The following MYBPC1 variants were observed in gnomAD, a reference collection of about 807,000 sequenced individuals.
The protein encoded by MYBPC1 is myosin-binding protein C, slow-type.
In MYBPC1, 52 loss-of-function variants were observed where a neutral mutation model predicts 147.1. That is an observed-to-expected ratio of 0.35 (90% CI 0.28 to 0.45). MYBPC1 has a LOEUF of 0.45. Ranked by LOEUF, MYBPC1 falls within the 20% of genes least tolerant of loss-of-function variation. MYBPC1 has a pLI of 1.00. For synonymous variants in MYBPC1, 477 were observed against 475.9 expected, an observed-to-expected ratio of 1.00 and a Z score of -0.03; for missense variants, 1,228 against 1,440.3, an observed-to-expected ratio of 0.85 and a Z score of 2.39.
chr12:101,644,842 A>G, intron 12 of MYBPC1, 46 bp downstream of exon 12: 2 of 1,571,366 alleles, frequency 1.3e-6, no homozygotes, highest in East Asian at 2.3e-5. Context: ...CAGTAAATTA[A>G]TCAAATAGTA....
chr12:101,601,312 A>G (rs1389352246), intron 1 of MYBPC1, among the ~76,000 whole-genome samples: 3 of 152,162 alleles, frequency 2.0e-5, no homozygotes, highest in Non-Finnish European at 2.9e-5. Context: ...CTCTGTGTGG[A>G]TAGGCTCAGT....
chr12:101,642,394 C>G, intron 10 of MYBPC1, 25 bp from the exon 11 acceptor site: 1 of 1,613,500 alleles, frequency 6.2e-7, no homozygotes, highest in South Asian at 1.1e-5. Context: ...AGCTACTAAA[C>G]TAGACCATGG....
intron 24 of MYBPC1, among the ~76,000 whole-genome samples, chr12:101,672,493 G>A (rs770231875): frequency 2.4e-4 from 37 of 152,212 alleles, no homozygotes; most frequent in South Asian, 6.2e-4. Flanking sequence ...GGAACAGAGA[G>A]AGAATTCTAG....
the MYBPC1 span, among the ~76,000 whole-genome samples, chr12:101,691,835 C>A: frequency 6.6e-6 from 1 of 152,206 alleles, no homozygotes; most frequent in Non-Finnish European, 1.5e-5. Flanking sequence ...GAGGAGCACA[C>A]TCAGTGCAGG....
At chr12:101,666,545 C>A (rs893584887) in intron 22 of MYBPC1, 7 of 554,194 alleles carry the variant, frequency 1.3e-5, no homozygotes, top group African/African-American at 9.5e-5. Flanking sequence ...AGGTCAGAAG[C>A]CACAGTCTGC....
At chr12:101,689,555 C>A (rs185256459), downstream of MYBPC1, among the ~76,000 whole-genome samples, 6,383 of 149,792 alleles carry the variant, frequency 0.043, 223 homozygotes, top group South Asian at 0.065. Context: ...AGAGGAACAG[C>A]GAGTAGGAGA....
intron 20 of MYBPC1, 107 bp downstream of exon 20, chr12:101,661,369 T>C (rs1896522035): frequency 2.7e-6 from 2 of 738,224 alleles, no homozygotes; most frequent in Non-Finnish European, 4.8e-6. Context: ...AGAAAACCTA[T>C]TTTACTGTGA....
Position 101,617,259 on chromosome 12 carries a change from GGA to G in MYBPC1, c.103+20_103+21del. Reference sequence around the variant, plus strand: ...CCAGCAAAAGGTGAGTTGGAGGGAGGGAGAGTGAGGCTGAAGTCAACAAAATT... The same window carrying G: ...CCAGCAAAAGGTGAGTTGGAGGGAGGGAGTGAGGCTGAAGTCAACAAAATT... On this transcript the variant is annotated intron_variant, in intron 3 of 31. Coordinates refer to ENST00000361466, the MANE Select transcript of MYBPC1 (RefSeq NM_002465.4). 6.2e-7 allele frequency: 1 copy of G among 1,613,390 alleles called. No individual in the cohort carries two copies. Among genetic ancestry groups the G allele is most frequent in the Non-Finnish European group, 8.5e-7 (1 of 1,179,532 alleles).
At chr12:101,629,630 T>C in intron 6 of MYBPC1, 86 bp downstream of exon 6, 1 of 831,286 alleles carries the variant, frequency 1.2e-6, no homozygotes. Flanking sequence ...CCCAGCACTC[T>C]GGGAGGTCCA....
intron 24 of MYBPC1, 29 bp from the exon 25 acceptor site, chr12:101,673,398 C>G: frequency 6.2e-7 from 1 of 1,603,114 alleles, no homozygotes. Flanking sequence ...ATGATTTACC[C>G]TCTCTACTTT....
intron 31 of MYBPC1, 78 bp from the exon 32 acceptor site, chr12:101,685,504 C>G (rs1951298944): frequency 1.1e-6 from 1 of 944,270 alleles, no homozygotes; most frequent in South Asian, 1.4e-5. Flanking sequence ...TTCCAGGCAG[C>G]TAGTCAAGAA....
intron 12 of MYBPC1, among the ~76,000 whole-genome samples, chr12:101,646,481 A>G (rs1485322185): frequency 2.6e-5 from 4 of 152,156 alleles, no homozygotes; most frequent in African/African-American, 9.7e-5. Flanking sequence ...CAGTCTTACA[A>G]AAAATAAATT....
intron 31 of MYBPC1, among the ~76,000 whole-genome samples, chr12:101,684,925 A>G (rs184243747): frequency 2.2e-4 from 33 of 152,336 alleles, no homozygotes; most frequent in African/African-American, 7.9e-4. Flanking sequence ...TTGTGGTTTC[A>G]TGGATTCTCT....
At chr12:101,603,479 T>A (rs1009582300) in intron 1 of MYBPC1, among the ~76,000 whole-genome samples, 1 of 152,086 alleles carries the variant, frequency 6.6e-6, no homozygotes. Flanking sequence ...TGGTGGGTGA[T>A]TGATTGAGTG....
chr12:101,692,970 G>T, the MYBPC1 span, among the ~76,000 whole-genome samples: 1 of 127,332 alleles, frequency 7.9e-6, no homozygotes. Context: ...TTTTTGAGAC[G>T]GAGTCTTGCT....
chr12:101,623,683 C>A (rs1028098304), intron 3 of MYBPC1, among the ~76,000 whole-genome samples: 3 of 152,162 alleles, frequency 2.0e-5, no homozygotes, highest in Non-Finnish European at 4.4e-5. Context: ...ATTTTAACTT[C>A]ATTTCTGTTA....
intron 6 of MYBPC1, among the ~76,000 whole-genome samples, chr12:101,630,570 C>G (rs1407630728): frequency 6.6e-6 from 1 of 152,196 alleles, no homozygotes; most frequent in Non-Finnish European, 1.5e-5. Flanking sequence ...GATTCCAAAT[C>G]TACACATGCG....
Position 101,685,827 on chromosome 12 carries a change from A to G in MYBPC1, c.*265A>G, listed in dbSNP as rs1594108166. ...TGTTGAAGAGAAAAAAAAAAAAAAA[A>G]GTTTGCCCAGATTGCTTAATTAAAA... On this transcript the variant is annotated 3_prime_UTR_variant, in exon 32 of 32. Transcript: ENST00000361466. 2 of 611,126 alleles carry G rather than the reference A, an allele frequency of 3.3e-6. No homozygotes were observed. The highest frequency in any genetic ancestry group is 6.4e-5 in the East Asian group (2 of 31,186). The allele number at this position is 611,126 out of a possible 1,614,324, so 37.9% of individuals were successfully genotyped here.
chr12:101,679,193 G>C (rs1279409027), intron 28 of MYBPC1, among the ~76,000 whole-genome samples: 1 of 151,712 alleles, frequency 6.6e-6, no homozygotes, highest in African/African-American at 2.4e-5. Flanking sequence ...GTCAGACTAA[G>C]GATGAGAGAA....
Sources: allele counts gnomAD v4.1 joint callset (sites outside exome capture counted in the v4.1 genomes callset), GRCh38; gene constraint gnomAD v4.1.1; transcripts MANE v1.5; gene names NCBI Gene and HGNC (gene_info 2026-07-23, HGNC 2026-07-21).